NCAPH2: variants seen among roughly 807,000 people sequenced by gnomAD.
The protein encoded by NCAPH2 is condensin-2 complex subunit H2.
NCAPH2 carries 56 observed loss-of-function variants against 88.6 expected under a neutral mutation model. That is an observed-to-expected ratio of 0.63 (90% CI 0.51 to 0.79). NCAPH2 has a LOEUF of 0.79. NCAPH2 is among the 30% of genes least tolerant of loss of function. NCAPH2 has a pLI of 0.00. For synonymous variants in NCAPH2, 378 were observed against 313.6 expected (o/e 1.21, Z -2.17); for missense variants, 794 against 792.0 (o/e 1.00, Z -0.03).
intron 9 of NCAPH2, 106 bp downstream of exon 9, chr22:50,519,426 CAGACCACTGGTCTGGGG>C (rs2069022240): frequency 1.3e-6 from 2 of 1,495,868 alleles, no homozygotes; most frequent in Non-Finnish European, 1.8e-6. Flanking sequence ...GCCTTGGCCC[CAGACCACTGGTCTGGGG>C]CAGAAGCCCA....
In NCAPH2 at chr22:50,522,734, AGAGGGAGACGGGGAGGG is replaced by A. The variant is rs1276697619; in HGVS notation, c.1425+20_1425+36del. The stretch of plus-strand genomic sequence containing the variant: ...CGAAGGAATGTGGTAGGCCTGGGTT[AGAGGGAGACGGGGAGGG>A]GAGGGGGACAGGTGAGCGGTGCCCA... On this transcript the variant is annotated intron_variant, in intron 17 of 19. Transcript: ENST00000420993. 6.8e-6 allele frequency: 11 copies of A among 1,612,680 alleles called. No individual in the cohort carries two copies. Among genetic ancestry groups the A allele is most frequent in the Admixed American group, 1.7e-5 (1 of 59,956 alleles).
intron 17 of NCAPH2, 49 bp downstream of exon 17, chr22:50,522,769 G>A (rs767969747): frequency 3.8e-5 from 62 of 1,612,300 alleles, no homozygotes; most frequent in Non-Finnish European, 4.7e-5. Flanking sequence ...ACAGGTGAGC[G>A]GTGCCCAGGC....
Position 50,524,247 on chromosome 22 carries a change from A to G in NCAPH2, c.*872A>G, listed in dbSNP as rs1325795352. ...TGATCAGCAGCCGGGTTCGAAGCCC[A>G]GGGCCCTGGGGCTGGCCCTGCCCAC... On this transcript the variant is annotated 3_prime_UTR_variant, in exon 20 of 20. Transcript: ENST00000420993. The G allele has an allele frequency of 4.4e-6, 7 of 1,605,852 alleles. No individual in the cohort carries two copies. Among genetic ancestry groups the G allele is most frequent in the Non-Finnish European group, 4.2e-6 (5 of 1,179,838 alleles).
At chr22:50,521,520 G>C in intron 10 of NCAPH2, 23 bp from the exon 11 acceptor site, 1 of 1,612,872 alleles carries the variant, frequency 6.2e-7, no homozygotes, top group East Asian at 2.2e-5. Flanking sequence ...CTTCTCCAGC[G>C]CCTTCTTGTG....
At position 50,523,933 on chromosome 22, in the gene NCAPH2, A is replaced by C. The variant is rs755433769; in HGVS notation, c.*558A>C. Reference sequence around the variant, plus strand: ...GTCCACAGTGATGAAGACAGGCTGCACTGGAGGCAAACCAGGCTCTGCTTC... The same window carrying C: ...GTCCACAGTGATGAAGACAGGCTGCCCTGGAGGCAAACCAGGCTCTGCTTC... On this transcript the variant is annotated 3_prime_UTR_variant, in exon 20 of 20. Coordinates refer to ENST00000420993, the MANE Select transcript of NCAPH2 (RefSeq NM_152299.4). 1.1e-5 allele frequency: 17 copies of C among 1,612,718 alleles called. No individual in the cohort carries two copies. Among genetic ancestry groups the C allele is most frequent in the Non-Finnish European group, 1.4e-5 (17 of 1,179,250 alleles).
intron 1 of NCAPH2, among the ~76,000 whole-genome samples, chr22:50,512,198 G>A (rs1405252716): frequency 6.6e-6 from 1 of 152,256 alleles, no homozygotes; most frequent in African/African-American, 2.4e-5. Context: ...TTAGTAGAGT[G>A]CCTGGCACAT....
intron 1 of NCAPH2, among the ~76,000 whole-genome samples, chr22:50,512,522 T>A (rs2068811704): frequency 6.6e-6 from 1 of 151,592 alleles, no homozygotes; most frequent in Admixed American, 6.6e-5. Flanking sequence ...CATGATGTTC[T>A]TTTTCTTTTT....
chr22:50,520,883 A>G, intron 9 of NCAPH2, 82 bp from the exon 10 acceptor site: 1 of 1,484,692 alleles, frequency 6.7e-7, no homozygotes, highest in East Asian at 2.5e-5. Flanking sequence ...TCTTGATGTT[A>G]ACCCAAGGTG....
Position 50,517,767 on chromosome 22 carries a change from C to T in NCAPH2, c.378C>T (p.Asp126=). The change falls in exon 5 of 20, where the codon GAC becomes GAT. Residue 126 remains aspartate (D), a synonymous_variant. Coordinates refer to ENST00000420993, the MANE Select transcript of NCAPH2 (RefSeq NM_152299.4). ...TCCTGTCGCTGGATGACTTCCCTGA[C>T]TCCCGGACTAACGTGGATCTCAAGA... ...NEFLSLDDFP[D]SRTNVDLKND... 1 of 1,614,000 alleles carries T rather than the reference C, an allele frequency of 6.2e-7. No homozygotes were observed. The highest frequency in any genetic ancestry group is 8.5e-7 in the Non-Finnish European group (1 of 1,180,046).
At chr22:50,520,920 AG>A in intron 9 of NCAPH2, 44 bp from the exon 10 acceptor site, 2 of 1,547,108 alleles carry the variant, frequency 1.3e-6, no homozygotes, top group Non-Finnish European at 1.7e-6. Context: ...CAGAGCCTTG[AG>A]GGGAGAAAGA....
Position 50,522,876 on chromosome 22 carries a change from G to A in NCAPH2, c.1481G>A (p.Arg494His), listed in dbSNP as rs567035246. The A allele has an allele frequency of 5.6e-6, 9 of 1,613,372 alleles. No individual in the cohort carries two copies. Among genetic ancestry groups the A allele is most frequent in the Non-Finnish European group, 7.6e-6 (9 of 1,179,986 alleles). The change falls in exon 18 of 20, where the codon CGC becomes CAC. Residue 494 changes from arginine to histidine, a missense_variant. Physicochemically the swap from Arg to His is conservative, Grantham distance 29. This residue lies in a region of NCAPH2 where 735 missense variants were observed against 696.3 expected (regional missense o/e 1.06). Coordinates refer to ENST00000420993, the MANE Select transcript of NCAPH2 (RefSeq NM_152299.4). ...KFVQETELSQ[R>H]IRDWEDTVQP... Reference sequence around the variant, plus strand: ...GTCCAGGAGACAGAGCTGAGCCAGCGCATCAGGGACTGGGAGGACACAGTG... The same window carrying A: ...GTCCAGGAGACAGAGCTGAGCCAGCACATCAGGGACTGGGAGGACACAGTG...
At position 50,518,665 on chromosome 22, in the gene NCAPH2, G is replaced by A. The variant is rs1227333060; in HGVS notation, c.663G>A (p.Glu221=). Residue 221 remains glutamate, a synonymous_variant, in exon 8 of 20, where the codon GAG becomes GAA. Coordinates refer to ENST00000420993, the MANE Select transcript of NCAPH2 (RefSeq NM_152299.4). ...PGTQKDTGRT[E]EQPMEVSVCR... is the part of the protein sequence containing the mutation. ...CTCTCCCAGACACCGGGAGGACTGAGGAGCAGCCAATGGAAGTTTCCGTGT... is the reference window on the plus strand; with the variant it reads ...CTCTCCCAGACACCGGGAGGACTGAAGAGCAGCCAATGGAAGTTTCCGTGT... The A allele has an allele frequency of 1.2e-6, 2 of 1,608,542 alleles. No homozygotes were observed. Among genetic ancestry groups the A allele is most frequent in the East Asian group, 2.2e-5 (1 of 44,802 alleles).
rs2069034742 is a variant in NCAPH2, at chr22:50,519,797, A to G, written c.861+477A>G. ...AACGTTTCTTCACTCTAGTTGGTAG[A>G]TGGCATGGATATTTGTCATATTCTA... is the stretch of plus-strand genomic sequence containing the variant. On this transcript the variant is annotated intron_variant, in intron 9 of 19. Coordinates refer to ENST00000420993, the MANE Select transcript of NCAPH2 (RefSeq NM_152299.4). 4.2e-6 allele frequency: 4 copies of G among 948,378 alleles called. 1 individual carries two copies. The South Asian group carries it at 1.9e-4, about 46-fold the overall frequency. The allele number at this position is 948,378 out of a possible 1,614,324, so 58.7% of individuals were successfully genotyped here.
At chr22:50,518,407 C>T in intron 7 of NCAPH2, 129 bp downstream of exon 7, 1 of 1,362,570 alleles carries the variant, frequency 7.3e-7, no homozygotes. Context: ...CTGCTCTAGT[C>T]TAGACAGGTT....
chr22:50,524,180 G>A lies in NCAPH2; in HGVS notation c.*805G>A, dbSNP rs149244312. On this transcript the variant is annotated 3_prime_UTR_variant, in exon 20 of 20. Coordinates refer to ENST00000420993, the MANE Select transcript of NCAPH2 (RefSeq NM_152299.4). ...TGCAGCCTCTCCTTCTCAGCCCTCA[G>A]GGCCAGCCAGGCCCCACCGAGTCCA... 3 of 1,609,488 alleles carry A rather than the reference G, an allele frequency of 1.9e-6. No homozygotes were observed. Among genetic ancestry groups the A allele is most frequent in the Admixed American group, 1.7e-5 (1 of 60,024 alleles).
At position 50,524,636 on chromosome 22, in the gene NCAPH2, T is replaced by C; in HGVS notation, c.*1261T>C. 1 of 701,598 alleles carries C rather than the reference T, an allele frequency of 1.4e-6. No individual in the cohort carries two copies. The allele number at this position is 701,598 out of a possible 1,614,324, so 43.5% of individuals were successfully genotyped here. On this transcript the variant is annotated 3_prime_UTR_variant, in exon 20 of 20. Coordinates refer to ENST00000420993, the MANE Select transcript of NCAPH2 (RefSeq NM_152299.4). ...ACACCTGTCACTCCTGTCCTCTACC[T>C]GGGATCACCAGCCTGTCACCGCACC...
Position 50,521,921 on chromosome 22 carries a change from G to GCAC in NCAPH2, c.1109-63_1109-61dup, listed in dbSNP as rs2069112762. 4 of 1,613,222 alleles carry GCAC rather than the reference G, an allele frequency of 2.5e-6. No individual in the cohort carries two copies. In the Admixed American group the frequency reaches 6.7e-5, roughly 27 times the overall value. ...GGCCAGGGCCAGTGGAGGAGGATCA[G>GCAC]CACCCTTTTCCCAATGCTGTGGGCA... On this transcript the variant is annotated intron_variant, in intron 12 of 19. Transcript: ENST00000420993.
Position 50,518,016 on chromosome 22 carries a change from C to T in NCAPH2, c.464C>T (p.Pro155Leu). 6.2e-7 allele frequency: 1 copy of T among 1,614,062 alleles called. No homozygotes were observed. The highest frequency in any genetic ancestry group is 8.5e-7 in the Non-Finnish European group (1 of 1,179,994). ...CTCCTGCCCATGGCCCTGGTGGCCC[C>T]TGATGAAATGGAGAAGAACAACAAT... ...IPLLPMALVA[P>L]DEMEKNNNPL... Residue 155 changes from proline to leucine, a missense_variant, in exon 6 of 20, where the codon CCT (proline) becomes CTT (leucine). Transcript: ENST00000420993.
At position 50,516,288 on chromosome 22, in the gene NCAPH2, C is replaced by T. The variant is rs543649914; in HGVS notation, c.109-159C>T. Among the ~76,000 whole-genome samples, 313 of 152,274 alleles carry T rather than the reference C, an allele frequency of 2.1e-3. 2 individuals carry two copies. The highest frequency in any genetic ancestry group is 7.3e-3 in the African/African-American group (302 of 41,554). The stretch of plus-strand genomic sequence containing the variant: ...GGGGAAACACAGAGACCTGTCTCTG[C>T]CCCGAAATACCAGGGACAACCGGTG... On this transcript the variant is annotated intron_variant, in intron 1 of 19. Coordinates refer to ENST00000420993, the MANE Select transcript of NCAPH2 (RefSeq NM_152299.4).
Sources: gnomAD v4.1 joint callset for allele counts (sites outside exome capture counted in the v4.1 genomes callset) on GRCh38, gnomAD v4.1.1 for gene constraint, gnomAD v4.1.1 regional missense constraint, MANE v1.5 for transcripts, NCBI Gene and HGNC (gene_info 2026-07-23, HGNC 2026-07-21) for gene names.